RNF212: variants seen among roughly 807,000 people sequenced by gnomAD.
RNF212 encodes ring finger protein 212.
Under a neutral mutation model 34.7 loss-of-function variants are expected in RNF212, and 33 were observed. That is an observed-to-expected ratio of 0.95 (90% CI 0.72 to 1.27). The LOEUF is 1.27. Among genes scored for constraint, RNF212 ranks in the 50% most tolerant of loss-of-function variants. The pLI, the probability that RNF212 is intolerant of heterozygous loss-of-function variation, is 0.00. For synonymous variants in RNF212, 140 were observed against 136.1 expected, an observed-to-expected ratio of 1.03 and a Z score of -0.20; for missense variants, 377 against 362.2, an observed-to-expected ratio of 1.04 and a Z score of -0.33.
At chr4:1,113,601 A>C (rs55741543), upstream of RNF212, 193 of 582,858 alleles carry the variant, frequency 3.3e-4, 2 homozygotes, top group Non-Finnish European at 4.1e-4. Context: ...GCGCCCGCGC[A>C]CTGGAGCTCG....
chr4:1,063,343 A>T (rs1341568041), intron 3 of RNF212, among the ~76,000 whole-genome samples: 1 of 152,248 alleles, frequency 6.6e-6, no homozygotes, highest in Non-Finnish European at 1.5e-5. Context: ...AAAAAGAAAA[A>T]TACTTAAAGC....
chr4:1,083,507 G>A (rs745562832), intron 5 of RNF212, among the ~76,000 whole-genome samples: 3 of 152,134 alleles, frequency 2.0e-5, no homozygotes, highest in Non-Finnish European at 4.4e-5. Flanking sequence ...GCCAGGCGTG[G>A]TGGGGCTGTA....
In RNF212 at chr4:1,079,694, A is replaced by C; in HGVS notation, c.465-6T>G. On this transcript the variant is annotated splice_polypyrimidine_tract_variant and splice_region_variant and intron_variant, in intron 7 of 9. Coordinates refer to ENST00000433731, the MANE Select transcript of RNF212 (RefSeq NM_001131034.4). ...CAACTTCCATCGACTCCAGTCTGTT[A>C]AACACATAGTGAAAGGCTTTGAGTG... 1 of 1,608,094 alleles carries C rather than the reference A, an allele frequency of 6.2e-7. No individual in the cohort carries two copies. Among genetic ancestry groups the C allele is most frequent in the Admixed American group, 1.7e-5 (1 of 60,016 alleles).
At chr4:1,064,725 C>T (rs1040776636) in intron 3 of RNF212, among the ~76,000 whole-genome samples, 2 of 152,152 alleles carry the variant, frequency 1.3e-5, no homozygotes, top group African/African-American at 4.8e-5. Flanking sequence ...TGCTGTGCAA[C>T]CATCACACCA....
At chr4:1,098,255 T>C (rs895635587) in intron 2 of RNF212, among the ~76,000 whole-genome samples, 4 of 152,128 alleles carry the variant, frequency 2.6e-5, no homozygotes, top group African/African-American at 7.2e-5. Context: ...ACTGAAATGA[T>C]AGTAAAATTT....
At chr4:1,093,551 C>A (rs2153053966) in intron 3 of RNF212, 1 of 673,532 alleles carries the variant, frequency 1.5e-6, no homozygotes. Context: ...CCTCCACGGC[C>A]CATGCCGGAA....
At chr4:1,090,047 G>A (rs1012999336) in intron 4 of RNF212, among the ~76,000 whole-genome samples, 15 of 151,742 alleles carry the variant, frequency 9.9e-5, no homozygotes, top group African/African-American at 3.6e-4. Flanking sequence ...GGGGTGACAG[G>A]ACAGGGTGGT....
intron 3 of RNF212, chr4:1,093,778 G>T (rs1182685656): frequency 1.3e-6 from 2 of 1,536,226 alleles, no homozygotes; most frequent in African/African-American, 1.4e-5. Flanking sequence ...TGAGGGTCCT[G>T]CTGGGATGGA....
rs1560138658 is a variant in RNF212, at chr4:1,093,574, C to CAT, written c.247-2737_247-2736insAT. On this transcript the variant is annotated intron_variant, in intron 3 of 9. Coordinates refer to ENST00000433731, the MANE Select transcript of RNF212 (RefSeq NM_001131034.4). ...GCCCATGCCGGAAGCCTGAGAGGCA[C>CAT]GAGAGGCAGAGCAGACAGGTGGCTG... 6.0e-5 allele frequency: 64 copies of CAT among 1,072,066 alleles called. No homozygotes were observed. The African/African-American group carries it at 9.5e-4, about 16-fold the overall frequency. The allele number at this position is 1,072,066 out of a possible 1,614,324, so 66.4% of individuals were successfully genotyped here.
At chr4:1,074,545 GCCCTGCTCCAGGGACTCTCTCTGC>G (rs1309583530) in intron 8 of RNF212, among the ~76,000 whole-genome samples, 1 of 152,156 alleles carries the variant, frequency 6.6e-6, no homozygotes, top group East Asian at 1.9e-4. Flanking sequence ...GCACAGGAGT[GCCCTGCTCCAGGGACTCTCTCTGC>G]CACACCCTTG....
chr4:1,101,819 G>A (rs1175619530), intron 2 of RNF212, among the ~76,000 whole-genome samples: 1 of 152,254 alleles, frequency 6.6e-6, no homozygotes. Flanking sequence ...GCAGCAGGGG[G>A]TAAACTACTT....
chr4:1,081,393 G>A (rs1334356403), intron 7 of RNF212, 26 bp downstream of exon 7: 3 of 1,606,056 alleles, frequency 1.9e-6, no homozygotes, highest in Non-Finnish European at 2.6e-6. Flanking sequence ...TGCAGGTCCT[G>A]TGATTTCTGC....
intron 2 of RNF212, among the ~76,000 whole-genome samples, chr4:1,102,260 C>T (rs746580998): frequency 7.2e-5 from 11 of 152,146 alleles, no homozygotes; most frequent in Non-Finnish European, 1.5e-4. Flanking sequence ...TTTGAAAATA[C>T]AGTCATCCTT....
intron 2 of RNF212, among the ~76,000 whole-genome samples, chr4:1,103,229 TA>T (rs1249143140): frequency 6.6e-6 from 1 of 152,220 alleles, no homozygotes; most frequent in Non-Finnish European, 1.5e-5. Context: ...GTTCGATGTC[TA>T]ATAAAGATAT....
At chr4:1,079,331 G>A (rs560582393) in intron 8 of RNF212, among the ~76,000 whole-genome samples, 55 of 152,374 alleles carry the variant, frequency 3.6e-4, no homozygotes, top group African/African-American at 1.3e-3. Context: ...GACCAACATG[G>A]GACCTGTACG....
intron 8 of RNF212, among the ~76,000 whole-genome samples, chr4:1,078,487 T>C (rs1467390445): frequency 2.0e-5 from 3 of 152,244 alleles, no homozygotes; most frequent in African/African-American, 7.2e-5. Flanking sequence ...CCGGGCAGGT[T>C]TCCTCTGGTC....
At chr4:1,070,815 T>C (rs2153035112), downstream of RNF212, among the ~76,000 whole-genome samples, 1 of 152,276 alleles carries the variant, frequency 6.6e-6, no homozygotes, top group Non-Finnish European at 1.5e-5. Context: ...TGATGACAGA[T>C]TGGGAGCAAA....
At chr4:1,095,278 C>A (rs1221575792) in intron 3 of RNF212, among the ~76,000 whole-genome samples, 1 of 100,080 alleles carries the variant, frequency 1.0e-5, no homozygotes. Context: ...AGCACACCCC[C>A]CACAGCTCCA....
At chr4:1,088,728 T>C (rs1326316988) in intron 4 of RNF212, among the ~76,000 whole-genome samples, 3 of 152,230 alleles carry the variant, frequency 2.0e-5, no homozygotes, top group Admixed American at 1.3e-4. Flanking sequence ...CCAACTCTCG[T>C]GCAGCCTCAG....
Sources: gnomAD v4.1 joint callset for allele counts (sites outside exome capture counted in the v4.1 genomes callset) on GRCh38, gnomAD v4.1.1 for gene constraint, MANE v1.5 for transcripts, NCBI Gene and HGNC (gene_info 2026-07-23, HGNC 2026-07-21) for gene names.